Variants in NDFIP1 observed in about 807,000 individuals in gnomAD.
The protein encoded by NDFIP1 is NEDD4 family-interacting protein 1.
A neutral mutation model predicts 28.8 loss-of-function variants in NDFIP1; 7 were observed. That is an observed-to-expected ratio of 0.24 (90% CI 0.14 to 0.46). NDFIP1 has a LOEUF of 0.46. Among genes scored for constraint, NDFIP1 ranks in the 20% least tolerant of loss-of-function variants. The probability of loss-of-function intolerance (pLI) is 0.99; values close to 1 mark genes in which losing one functional copy is unlikely to be tolerated. For missense variants in NDFIP1, 194 were observed against 269.1 expected, an observed-to-expected ratio of 0.72 and a Z score of 1.95; for synonymous variants, 92 against 101.0, an observed-to-expected ratio of 0.91 and a Z score of 0.53.
At chr5:142,121,064 C>T (rs1757117765) in intron 1 of NDFIP1, among the ~76,000 whole-genome samples, 1 of 152,234 alleles carries the variant, frequency 6.6e-6, no homozygotes, top group Admixed American at 6.5e-5. Context: ...AGGCATGGCT[C>T]TGTCACTGTC....
At chr5:142,123,145 T>C (rs1757137100) in intron 1 of NDFIP1, among the ~76,000 whole-genome samples, 1 of 152,088 alleles carries the variant, frequency 6.6e-6, no homozygotes, top group African/African-American at 2.4e-5. Flanking sequence ...CTATTTTTAG[T>C]AGAGATGGGG....
chr5:142,113,690 A>G (rs1757037779), intron 1 of NDFIP1, among the ~76,000 whole-genome samples: 1 of 152,160 alleles, frequency 6.6e-6, no homozygotes, highest in Admixed American at 6.5e-5. Context: ...CTGAAACTCC[A>G]TATCCATTAA....
At position 142,140,572 on chromosome 5, in the gene NDFIP1, T is replaced by C; in HGVS notation, c.505T>C (p.Tyr169His). The change falls in exon 6 of 8, where the codon TAT becomes CAT. Residue 169 changes from tyrosine (Y) to histidine (H), a missense_variant. Coordinates refer to ENST00000253814, the MANE Select transcript of NDFIP1 (RefSeq NM_030571.4). Reference protein sequence around the residue: ...KWILIVRFSTYFPGYFDGQYW... With the variant: ...KWILIVRFSTHFPGYFDGQYW... The stretch of plus-strand genomic sequence containing the variant: ...TTGCCTTATTTTTTAGTTTTCCACC[T>C]ATTTCCCTGGATATTTTGATGGTCA... 6.2e-7 allele frequency: 1 copy of C among 1,610,870 alleles called. No individual in the cohort carries two copies. Among genetic ancestry groups the C allele is most frequent in the Non-Finnish European group, 8.5e-7 (1 of 1,178,612 alleles).
At chr5:142,136,541 G>A (rs1409406786) in intron 4 of NDFIP1, among the ~76,000 whole-genome samples, 2 of 151,866 alleles carry the variant, frequency 1.3e-5, no homozygotes, top group African/African-American at 2.4e-5. Context: ...GATGCCCTGA[G>A]GTCAGGAGTT....
chr5:142,135,865 T>G, intron 4 of NDFIP1, 48 bp downstream of exon 4: 1 of 1,346,542 alleles, frequency 7.4e-7, no homozygotes, highest in Non-Finnish European at 1.1e-6. Context: ...CTAGAGTGCT[T>G]TGGATTATGG....
rs1757291420 is a variant in NDFIP1 at position 142,137,859 on chromosome 5, G to A, written c.495+1G>A. 1.2e-6 allele frequency: 2 copies of A among 1,613,492 alleles called. No individual in the cohort carries two copies. Among genetic ancestry groups the A allele is most frequent in the Non-Finnish European group, 1.7e-6 (2 of 1,179,684 alleles). Reference sequence around the variant, plus strand: ...AATTAAATGGATCCTGATTGTCAGGGTAAGTTGTATAACAGAAAAGATGGG... The same window carrying A: ...AATTAAATGGATCCTGATTGTCAGGATAAGTTGTATAACAGAAAAGATGGG... On this transcript the variant is annotated splice_donor_variant, in intron 5 of 7. Coordinates refer to ENST00000253814, the MANE Select transcript of NDFIP1 (RefSeq NM_030571.4). LOFTEE classifies it high-confidence loss of function.
chr5:142,131,142 A>G (rs2126917458), intron 1 of NDFIP1, among the ~76,000 whole-genome samples: 1 of 151,942 alleles, frequency 6.6e-6, no homozygotes, highest in South Asian at 2.1e-4. Context: ...TTTTGTAGAG[A>G]CAGGGTTTGT....
At chr5:142,124,079 G>A (rs545652030) in intron 1 of NDFIP1, among the ~76,000 whole-genome samples, 3 of 152,200 alleles carry the variant, frequency 2.0e-5, no homozygotes, top group East Asian at 1.9e-4. Flanking sequence ...AGGACCTACC[G>A]TTAACCTCAA....
At position 142,153,710 on chromosome 5, in the gene NDFIP1, A is replaced by C. The variant is rs1358733969; in HGVS notation, c.*1982A>C. ...TTCCAGAATGAAAAGATCTGTAACA[A>C]TCTGAATAGATGTGGACACATATAG... On this transcript the variant is annotated 3_prime_UTR_variant, in exon 8 of 8. Coordinates refer to ENST00000253814, the MANE Select transcript of NDFIP1 (RefSeq NM_030571.4). 3.9e-6 allele frequency: 1 copy of C among 255,076 alleles called. No individual in the cohort carries two copies. Among genetic ancestry groups the C allele is most frequent in the Non-Finnish European group, 7.8e-6 (1 of 127,770 alleles). 15.8% of individuals were successfully genotyped at this position (255,076 alleles called of 1,614,324 possible). A position where few individuals can be genotyped will look rare whatever the true frequency, so the allele number is the denominator to read the frequency against.
At chr5:142,119,703 C>T (rs1757103715) in intron 1 of NDFIP1, among the ~76,000 whole-genome samples, 1 of 151,838 alleles carries the variant, frequency 6.6e-6, no homozygotes, top group Non-Finnish European at 1.5e-5. Context: ...TGTTTGCTTT[C>T]TTTTTAAAGT....
rs1445853265 is a variant in NDFIP1, at chr5:142,132,286, T to TA, written c.227dup (p.Tyr76Ter). 6.2e-7 allele frequency: 1 copy of TA among 1,614,210 alleles called. No homozygotes were observed. ...SYNVATTLPS[Y>*]DEAERTKAEA... ...CAATGTAGCTACAACACTGCCCAGT[T>TA]ATGATGAAGCGGAGAGGACCAAGGC... The change falls in exon 3 of 8, where the codon TAT (tyrosine) becomes TAAT (stop). Residue 76 changes from tyrosine (Y) to a stop codon, truncating the protein, a stop_gained and frameshift_variant. Transcript: ENST00000253814. LOFTEE classifies it high-confidence loss of function.
At chr5:142,112,012 A>T (rs1183994874) in intron 1 of NDFIP1, among the ~76,000 whole-genome samples, 2 of 151,310 alleles carry the variant, frequency 1.3e-5, no homozygotes, top group East Asian at 3.9e-4. Flanking sequence ...AGTTGCAGTG[A>T]GCCAAGATTG....
intron 6 of NDFIP1, among the ~76,000 whole-genome samples, chr5:142,141,366 C>T (rs946188108): frequency 2.6e-5 from 4 of 151,368 alleles, no homozygotes; most frequent in East Asian, 1.9e-4. Context: ...TTAGTAGAGA[C>T]GGGGTTTTAC....
At chr5:142,131,762 T>C (rs1362882491) in intron 1 of NDFIP1, 46 bp from the exon 2 acceptor site, 1 of 1,445,330 alleles carries the variant, frequency 6.9e-7, no homozygotes, top group Non-Finnish European at 9.3e-7. Context: ...TTCTTATCTT[T>C]CTAATTGGCT....
intron 7 of NDFIP1, among the ~76,000 whole-genome samples, chr5:142,151,175 T>C (rs1757443361): frequency 6.6e-6 from 1 of 152,242 alleles, no homozygotes; most frequent in Admixed American, 6.5e-5. Flanking sequence ...ATACAATGAC[T>C]TTTTAGGAAA....
At chr5:142,151,111 T>C (rs755975263) in intron 7 of NDFIP1, among the ~76,000 whole-genome samples, 4 of 152,240 alleles carry the variant, frequency 2.6e-5, no homozygotes, top group Admixed American at 6.5e-5. Flanking sequence ...TATATTCCTT[T>C]CTTAAAATTT....
At chr5:142,110,639 T>C (rs890271327) in intron 1 of NDFIP1, among the ~76,000 whole-genome samples, 2 of 151,916 alleles carry the variant, frequency 1.3e-5, no homozygotes, top group Non-Finnish European at 2.9e-5. Context: ...CCTAGAAAAA[T>C]TGTAAAAGAT....
intron 1 of NDFIP1, among the ~76,000 whole-genome samples, chr5:142,129,911 CAAAAAAAAA>C: frequency 1.6e-5 from 1 of 62,676 alleles, no homozygotes; most frequent in East Asian, 5.3e-4. Context: ...AACTACATCT[CAAAAAAAAA>C]AAAAAAAAAA....
chr5:142,149,838 G>A (rs1757426660), intron 7 of NDFIP1, among the ~76,000 whole-genome samples: 2 of 152,048 alleles, frequency 1.3e-5, no homozygotes, highest in African/African-American at 2.4e-5. Context: ...GTATATTCTT[G>A]CAAACTCTGT....
Sources: allele counts gnomAD v4.1 joint callset (sites outside exome capture counted in the v4.1 genomes callset), GRCh38; gene constraint gnomAD v4.1.1; transcripts MANE v1.5; gene names NCBI Gene and HGNC (gene_info 2026-07-23, HGNC 2026-07-21).